PDE5A: variants seen among roughly 807,000 people sequenced by gnomAD.
PDE5A encodes cGMP-specific 3',5'-cyclic phosphodiesterase.
PDE5A carries 67 observed loss-of-function variants against 110.2 expected under a neutral mutation model. The ratio of observed to expected loss-of-function variants is 0.61; its 90% CI spans 0.50 to 0.75. PDE5A has a LOEUF of 0.75. Ranked by LOEUF, PDE5A falls within the 30% of genes least tolerant of loss-of-function variation. PDE5A has a pLI of 0.00. For missense variants in PDE5A, 862 were observed against 1,045.1 expected (o/e 0.82, Z 2.42); for synonymous variants, 328 against 351.2 (o/e 0.93, Z 0.74).
intron 12 of PDE5A, among the ~76,000 whole-genome samples, chr4:119,522,632 C>T (rs1197310898): frequency 6.6e-6 from 1 of 151,880 alleles, no homozygotes; most frequent in East Asian, 1.9e-4. Context: ...TAATGGACTA[C>T]TCTATTTTCC....
At chr4:119,595,643 C>T (rs143045559) in intron 3 of PDE5A, among the ~76,000 whole-genome samples, 1 of 152,300 alleles carries the variant, frequency 6.6e-6, no homozygotes, top group African/African-American at 2.4e-5. Flanking sequence ...ATACTCAGAT[C>T]CTTGGATTCT....
chr4:119,623,184 C>T (rs1730220827), intron 1 of PDE5A, among the ~76,000 whole-genome samples: 1 of 152,152 alleles, frequency 6.6e-6, no homozygotes, highest in South Asian at 2.1e-4. Context: ...TCCCTGAGAA[C>T]CTGGTATAAC....
chr4:119,572,545 G>A (rs1382267017), intron 3 of PDE5A, among the ~76,000 whole-genome samples: 2 of 152,118 alleles, frequency 1.3e-5, no homozygotes, highest in Non-Finnish European at 2.9e-5. Context: ...AGGCGACACT[G>A]GAAGAGAGAA....
chr4:119,616,148 C>T (rs375239691), intron 1 of PDE5A, among the ~76,000 whole-genome samples: 3 of 152,130 alleles, frequency 2.0e-5, no homozygotes, highest in Admixed American at 6.6e-5. Context: ...TCCTGAGATA[C>T]GAAGAAACCC....
chr4:119,587,346 G>A (rs1728797936), intron 3 of PDE5A, among the ~76,000 whole-genome samples: 2 of 151,326 alleles, frequency 1.3e-5, no homozygotes, highest in South Asian at 4.2e-4. Context: ...GGGATTACAG[G>A]TGCATGCCAC....
chr4:119,532,338 CAGAA>C (rs1282322283), intron 11 of PDE5A, among the ~76,000 whole-genome samples: 1 of 152,008 alleles, frequency 6.6e-6, no homozygotes, highest in Non-Finnish European at 1.5e-5. Flanking sequence ...AGTGGAATAA[CAGAA>C]GGAAGTATGT....
chr4:119,498,739 C>G lies in PDE5A; in HGVS notation c.2491-1G>C. The G allele has an allele frequency of 6.2e-7, 1 of 1,613,582 alleles. No homozygotes were observed. The highest frequency in any genetic ancestry group is 8.5e-7 in the Non-Finnish European group (1 of 1,179,786). On this transcript the variant is annotated splice_acceptor_variant, in intron 20 of 20. Transcript: ENST00000354960. LOFTEE classifies it high-confidence loss of function. ...AGTCCTCTGACACGTGGGTCAGGGC[C>G]TAAAGAGAAAAAAGAAAGCAAACAG...
At chr4:119,498,883 C>G (rs1453156095) in intron 20 of PDE5A, 145 bp from the exon 21 acceptor site, 2 of 742,260 alleles carry the variant, frequency 2.7e-6, no homozygotes, top group African/African-American at 1.8e-5. Flanking sequence ...TGAGCACATA[C>G]ACAGATCATT....
intron 1 of PDE5A, among the ~76,000 whole-genome samples, chr4:119,616,741 T>TA (rs11324618): frequency 8.7e-5 from 13 of 149,562 alleles, no homozygotes; most frequent in Admixed American, 6.0e-4. Context: ...TCGTGAATGA[T>TA]AAAAAAAAAA....
At chr4:119,551,866 A>T (rs577283480) in intron 9 of PDE5A, 89 of 152,306 alleles carry the variant, frequency 5.8e-4, no homozygotes, top group African/African-American at 2.0e-3. Flanking sequence ...TTAAAAAGTT[A>T]TCATATTTTC....
intron 1 of PDE5A, among the ~76,000 whole-genome samples, chr4:119,610,987 A>G (rs1241933322): frequency 6.6e-6 from 1 of 152,152 alleles, no homozygotes; most frequent in Non-Finnish European, 1.5e-5. Context: ...TGAACTGAGA[A>G]TAAAACCTGA....
intron 3 of PDE5A, among the ~76,000 whole-genome samples, chr4:119,592,000 A>C (rs2110531811): frequency 6.6e-6 from 1 of 151,552 alleles, no homozygotes; most frequent in South Asian, 2.1e-4. Flanking sequence ...AAATACAAAA[A>C]TTAGCTGGGT....
chr4:119,546,641 TC>T (rs1453251077), intron 9 of PDE5A, among the ~76,000 whole-genome samples: 1 of 150,908 alleles, frequency 6.6e-6, no homozygotes, highest in Admixed American at 6.7e-5. Context: ...AGGAACAACC[TC>T]CCCACCCCCA....
rs1436459401 is a variant in PDE5A at position 119,507,710 on chromosome 4, TA to T, written c.2089-7del. The stretch of plus-strand genomic sequence containing the variant: ...CCACTGAGAATCTGATTGCCCTTTA[TA>T]AAAAAAGAAAACCAGTATTAACATC... On this transcript the variant is annotated splice_region_variant and splice_polypyrimidine_tract_variant and intron_variant, in intron 15 of 20. Coordinates refer to ENST00000354960, the MANE Select transcript of PDE5A (RefSeq NM_001083.4). 8 of 1,562,512 alleles carry T rather than the reference TA, an allele frequency of 5.1e-6. No homozygotes were observed. The highest frequency in any genetic ancestry group is 6.1e-6 in the Non-Finnish European group (7 of 1,154,948).
At chr4:119,539,619 C>T (rs994527922) in intron 10 of PDE5A, among the ~76,000 whole-genome samples, 2 of 151,996 alleles carry the variant, frequency 1.3e-5, no homozygotes, top group Admixed American at 6.6e-5. Flanking sequence ...CATCCATTGA[C>T]AGTTGGGGAC....
At chr4:119,540,481 A>T (rs1025749545) in intron 10 of PDE5A, among the ~76,000 whole-genome samples, 1 of 68,400 alleles carries the variant, frequency 1.5e-5, no homozygotes, top group Admixed American at 1.9e-4. Flanking sequence ...GTTGCTACTG[A>T]GACTACAGTG....
At position 119,554,520 on chromosome 4, in the gene PDE5A, A is replaced by G. The variant is rs141497438; in HGVS notation, c.1200-774T>C. ...ATGTTTTTTCATCAGGAAACTCCGT[A>G]TGTTCCCTTGTGGTGATGATAAATT... On this transcript the variant is annotated intron_variant, in intron 7 of 20. Transcript: ENST00000354960. Among the ~76,000 whole-genome samples the G allele has an allele frequency of 1.9e-3, 290 of 152,274 alleles. 1 individual carries two copies. Among genetic ancestry groups the G allele is most frequent in the African/African-American group, 6.6e-3 (273 of 41,556 alleles).
chr4:119,607,497 G>A (rs1276122824), intron 1 of PDE5A, among the ~76,000 whole-genome samples, 200 bp from the exon 2 acceptor site: 1 of 152,154 alleles, frequency 6.6e-6, no homozygotes, highest in Non-Finnish European at 1.5e-5. Context: ...ACCACCTTGG[G>A]AGGCTGAGGT....
Position 119,552,649 on chromosome 4 carries a change from TAAAA to T in PDE5A, c.1309-16_1309-13del. On this transcript the variant is annotated splice_polypyrimidine_tract_variant and intron_variant, in intron 8 of 20. Coordinates refer to ENST00000354960, the MANE Select transcript of PDE5A (RefSeq NM_001083.4). ...CCTGTATTTTCAGTCTAAACAAAAATAAAAAGAACAAAACAGCTAAAATGGTAAA... is the reference window on the plus strand; with the variant it reads ...CCTGTATTTTCAGTCTAAACAAAAATAGAACAAAACAGCTAAAATGGTAAA... The T allele has an allele frequency of 6.9e-7, 1 of 1,444,516 alleles. No homozygotes were observed. The highest frequency in any genetic ancestry group is 9.4e-7 in the Non-Finnish European group (1 of 1,066,038). The allele number at this position is 1,444,516 out of a possible 1,614,324, so 89.5% of individuals were successfully genotyped here.
Sources: allele counts gnomAD v4.1 joint callset (sites outside exome capture counted in the v4.1 genomes callset), GRCh38; gene constraint gnomAD v4.1.1; transcripts MANE v1.5; gene names NCBI Gene and HGNC (gene_info 2026-07-23, HGNC 2026-07-21).